Variants in NT5C3B observed in about 807,000 individuals in gnomAD.
NT5C3B encodes the protein 5'-nucleotidase, cytosolic IIIB.
A neutral mutation model predicts 32.5 loss-of-function variants in NT5C3B; 28 were observed. The observed-to-expected ratio is 0.86, with a 90% CI of 0.64 to 1.18. NT5C3B has a LOEUF of 1.18. Among genes scored for constraint, NT5C3B ranks in the 50% most tolerant of loss-of-function variants. The pLI is 0.00. For missense variants in NT5C3B, 317 were observed against 322.0 expected, an observed-to-expected ratio of 0.98 and a Z score of 0.12; for synonymous variants, 138 against 118.0, an observed-to-expected ratio of 1.17 and a Z score of -1.10.
intron 8 of NT5C3B, among the ~76,000 whole-genome samples, chr17:41,826,620 G>GGAGCC (rs2047968500): frequency 6.6e-6 from 1 of 151,982 alleles, no homozygotes; most frequent in Admixed American, 6.5e-5. Flanking sequence ...GAGGTTGCAG[G>GGAGCC]GAGCCGAGAT....
In NT5C3B at chr17:41,836,013, A is replaced by T. The variant is rs558540039; in HGVS notation, c.13-56T>A. On this transcript the variant is annotated intron_variant, in intron 1 of 8. Transcript: ENST00000435506. Reference sequence around the variant, plus strand: ...CCTGCGCCACGCTGGGCCCGAGGGGAGCCCGGGGCTCGCTCGGGCGCGCGT... The same window carrying T: ...CCTGCGCCACGCTGGGCCCGAGGGGTGCCCGGGGCTCGCTCGGGCGCGCGT... 324 of 1,470,808 alleles carry T rather than the reference A, an allele frequency of 2.2e-4. 2 individuals are homozygous for T. In the African/African-American group the frequency reaches 4.5e-3, roughly 20 times the overall value. 91.1% of individuals were successfully genotyped at this position (1,470,808 alleles called of 1,614,324 possible). A position where few individuals can be genotyped will look rare whatever the true frequency, so the allele number is the denominator to read the frequency against.
chr17:41,825,717 A>G, intron 8 of NT5C3B, 60 bp from the exon 9 acceptor site: 16 of 864,490 alleles, frequency 1.9e-5, no homozygotes, highest in Non-Finnish European at 3.2e-5. Flanking sequence ...TCCGTAGCTC[A>G]CTCTCAAAGC....
intron 5 of NT5C3B, among the ~76,000 whole-genome samples, 169 bp downstream of exon 5, chr17:41,832,223 C>T (rs1469064145): frequency 6.6e-6 from 1 of 152,100 alleles, no homozygotes; most frequent in Non-Finnish European, 1.5e-5. Flanking sequence ...CACAAAAAGC[C>T]CTGGGTTCAT....
intron 8 of NT5C3B, among the ~76,000 whole-genome samples, chr17:41,827,020 A>C (rs2047977993): frequency 6.6e-6 from 1 of 151,620 alleles, no homozygotes; most frequent in African/African-American, 2.4e-5. Context: ...AAAAAAAGAA[A>C]AAAAAGCTGG....
intron 4 of NT5C3B, 61 bp downstream of exon 4, chr17:41,835,009 C>A (rs1484192821): frequency 3.3e-6 from 5 of 1,494,472 alleles, no homozygotes; most frequent in East Asian, 2.3e-5. Flanking sequence ...TGGTTCCAAT[C>A]AGGAACCATT....
chr17:41,827,685 T>A, intron 7 of NT5C3B, 59 bp from the exon 8 acceptor site: 1 of 764,010 alleles, frequency 1.3e-6, no homozygotes, highest in Admixed American at 1.9e-5. Flanking sequence ...TGGCACCAGC[T>A]CTCCACTGTC....
intron 4 of NT5C3B, among the ~76,000 whole-genome samples, chr17:41,834,677 A>G (rs1221497044): frequency 6.6e-6 from 1 of 151,818 alleles, no homozygotes; most frequent in African/African-American, 2.4e-5. Flanking sequence ...TGAGCCTAGG[A>G]GGTCAAGGCT....
In NT5C3B at chr17:41,830,786, G is replaced by C; in HGVS notation, c.404+15C>G. 6.4e-7 allele frequency: 1 copy of C among 1,551,546 alleles called. No individual in the cohort carries two copies. Among genetic ancestry groups the C allele is most frequent in the Non-Finnish European group, 8.9e-7 (1 of 1,123,060 alleles). On this transcript the variant is annotated intron_variant, in intron 6 of 8. Coordinates refer to ENST00000435506, the MANE Select transcript of NT5C3B (RefSeq NM_052935.5). The stretch of plus-strand genomic sequence containing the variant: ...AATAGTCTGATAGAAATGTTTTCCA[G>C]AGCAAGACGCTTACCTGAGCATTGC...
At chr17:41,834,935 C>G (rs1293141902) in intron 4 of NT5C3B, 135 bp downstream of exon 4, 11 of 815,020 alleles carry the variant, frequency 1.3e-5, no homozygotes, top group Non-Finnish European at 2.0e-5. Flanking sequence ...TAAAACTAGA[C>G]CCTCCTTAGC....
At position 41,830,465 on chromosome 17, in the gene NT5C3B, C is replaced by T. The variant is rs534001643; in HGVS notation, c.404+336G>A. ...TGGAGGTTGCAGTGAGCTGAGATTG[C>T]GCCACTGCACTCCAGCCTGGCGACA... On this transcript the variant is annotated intron_variant, in intron 6 of 8. Transcript: ENST00000435506. Among the ~76,000 whole-genome samples the T allele has an allele frequency of 2.7e-3, 416 of 152,170 alleles. 3 individuals are homozygous for T. The highest frequency in any genetic ancestry group is 9.7e-3 in the African/African-American group (402 of 41,522).
At chr17:41,830,960 C>A in intron 5 of NT5C3B, 70 bp from the exon 6 acceptor site, 1 of 983,334 alleles carries the variant, frequency 1.0e-6, no homozygotes, top group African/African-American at 1.6e-5. Context: ...TTTCCCTTTA[C>A]AGAGCCAAGT....
chr17:41,830,242 G>A (rs2048028839), intron 6 of NT5C3B, among the ~76,000 whole-genome samples: 1 of 152,206 alleles, frequency 6.6e-6, no homozygotes, highest in African/African-American at 2.4e-5. Context: ...CGGGCGCGGT[G>A]GCTCGCGCCT....
chr17:41,832,260 CTAA>C, intron 5 of NT5C3B, 129 bp downstream of exon 5: 1 of 689,308 alleles, frequency 1.5e-6, no homozygotes, highest in South Asian at 1.9e-5. Context: ...AATAGCTGGA[CTAA>C]TAGTATTAAA....
chr17:41,832,259 A>G, intron 5 of NT5C3B, 133 bp downstream of exon 5: 1 of 684,072 alleles, frequency 1.5e-6, no homozygotes, highest in Admixed American at 2.8e-5. Flanking sequence ...CAATAGCTGG[A>G]CTAATAGTAT....
At chr17:41,835,757 G>A (rs1555619831) in intron 2 of NT5C3B, 102 bp downstream of exon 2, 4 of 1,193,814 alleles carry the variant, frequency 3.4e-6, no homozygotes, top group Non-Finnish European at 4.8e-6. Flanking sequence ...GGGGCAGAGA[G>A]CTAGGAGGGG....
intron 4 of NT5C3B, 51 bp downstream of exon 4, chr17:41,835,019 T>C (rs1338648269): frequency 3.0e-5 from 47 of 1,566,784 alleles, no homozygotes; most frequent in Non-Finnish European, 4.0e-5. Flanking sequence ...CAGGAACCAT[T>C]TGAAGTAGCA....
chr17:41,827,185 A>G (rs990599242), intron 8 of NT5C3B, among the ~76,000 whole-genome samples: 13 of 151,902 alleles, frequency 8.6e-5, no homozygotes, highest in Non-Finnish European at 1.8e-4. Context: ...GGGTGCCTGT[A>G]GTCCCAGCTA....
rs200240087 is a variant in NT5C3B at position 41,825,623 on chromosome 17, T to C, written c.803A>G (p.Tyr268Cys). 1.3e-5 allele frequency: 11 copies of C among 872,648 alleles called. No homozygotes were observed. Among genetic ancestry groups the C allele is most frequent in the Non-Finnish European group, 1.8e-5 (9 of 501,654 alleles). 54.1% of individuals were successfully genotyped at this position (872,648 alleles called of 1,614,324 possible). ...EERRERYMDS[Y>C]DIVLEKDETL... The stretch of plus-strand genomic sequence containing the variant: ...CTCGTCCTTCTCCAGCACGATGTCA[T>C]AGGAGTCCATGTAGCGCTCCCGCCG... Residue 268 changes from tyrosine (Y) to cysteine (C), a missense_variant, in exon 9 of 9, where the codon TAT becomes TGT. Tyr to Cys is a radical substitution (Grantham distance 194). Transcript: ENST00000435506.
At chr17:41,828,387 G>A (rs563849068) in intron 7 of NT5C3B, 3 of 160,282 alleles carry the variant, frequency 1.9e-5, no homozygotes, top group South Asian at 1.9e-4. Flanking sequence ...ACCCAGGATG[G>A]AGTGCAGTGG....
Sources: gnomAD v4.1 joint callset for allele counts (sites outside exome capture counted in the v4.1 genomes callset) on GRCh38, gnomAD v4.1.1 for gene constraint, MANE v1.5 for transcripts, NCBI Gene and HGNC (gene_info 2026-07-23, HGNC 2026-07-21) for gene names.